DCAKD: variants seen among roughly 807,000 people sequenced by gnomAD.
The protein encoded by DCAKD is dephospho-CoA kinase domain containing, also known as dephospho-CoA kinase domain-containing protein.
Under a neutral mutation model 18.7 loss-of-function variants are expected in DCAKD, and 15 were observed. The ratio of observed to expected loss-of-function variants is 0.80; its 90% CI spans 0.54 to 1.24. DCAKD has a LOEUF of 1.24. Among genes scored for constraint, DCAKD ranks in the 50% most tolerant of loss-of-function variants. The probability of loss-of-function intolerance (pLI) is 0.00; values close to 1 mark genes in which losing one functional copy is unlikely to be tolerated. For missense variants in DCAKD, 301 were observed against 322.0 expected, an observed-to-expected ratio of 0.93 and a Z score of 0.50; for synonymous variants, 130 against 133.0, an observed-to-expected ratio of 0.98 and a Z score of 0.16.
Position 45,024,701 on chromosome 17 carries a change from C to T in DCAKD, c.428G>A (p.Arg143Gln), listed in dbSNP as rs780996637. 1.8e-5 allele frequency: 29 copies of T among 1,588,402 alleles called. No homozygotes were observed. Among genetic ancestry groups the T allele is most frequent in the African/African-American group, 1.3e-5 (1 of 74,564 alleles). The change falls in exon 5 of 5, where the codon CGG becomes CAG. Residue 143 changes from arginine to glutamine, a missense_variant. Transcript: ENST00000651974. ...VYCDRDTQLA[R>Q]LMRRNSLNRK... is the part of the protein sequence containing the mutation. ...GTTCAGGCTGTTCCGCCGCATCAGC[C>T]GTGCCAGCTGTGTGTCCCGGTCGCT... is the stretch of plus-strand genomic sequence containing the variant.
intron 3 of DCAKD, chr17:45,033,815 C>T (rs536256704): frequency 1.4e-4 from 157 of 1,141,064 alleles, no homozygotes; most frequent in Admixed American, 3.9e-4. Context: ...GAGCTGAGGG[C>T]GAGATCACTC....
intron 1 of DCAKD, among the ~76,000 whole-genome samples, chr17:45,036,028 G>A (rs1458383735): frequency 1.3e-5 from 2 of 152,194 alleles, no homozygotes; most frequent in African/African-American, 4.8e-5. Context: ...GAGGCTGGGC[G>A]ATGCTGGTGG....
intron 1 of DCAKD, 107 bp downstream of exon 1, chr17:45,051,254 T>C (rs1314078055): frequency 1.3e-5 from 2 of 152,244 alleles, no homozygotes; most frequent in Non-Finnish European, 2.9e-5. Context: ...CAGCCCTTTC[T>C]AGCTGTAAAC....
At chr17:45,032,702 TG>T (rs2053196995) in intron 3 of DCAKD, among the ~76,000 whole-genome samples, 1 of 150,946 alleles carries the variant, frequency 6.6e-6, no homozygotes, top group Non-Finnish European at 1.5e-5. Flanking sequence ...AAGAATCGCT[TG>T]AACCCGGGAA....
chr17:45,059,206 A>C (rs970938212), intron 1 of DCAKD, among the ~76,000 whole-genome samples: 4 of 152,168 alleles, frequency 2.6e-5, no homozygotes, highest in East Asian at 1.9e-4. Flanking sequence ...CGCCACTGCA[A>C]TCCAGCCTGG....
Position 45,034,335 on chromosome 17 carries a change from C to T in DCAKD, c.168G>A (p.Glu56=). The part of the protein sequence containing the change: ...HRRIVEVFGT[E]VLLENGDINR... ...TTATGTCGCCGTTCTCCAGCAAGAC[C>T]TCAGTGCCGAAGACCTCTACGATGC... The change falls in exon 3 of 5, where the codon GAG becomes GAA. Residue 56 remains glutamate (E), a synonymous_variant. Transcript: ENST00000651974. 6.2e-7 allele frequency: 1 copy of T among 1,614,114 alleles called. No individual in the cohort carries two copies. The highest frequency in any genetic ancestry group is 8.5e-7 in the Non-Finnish European group (1 of 1,180,046).
chr17:45,024,289 G>GTC lies in DCAKD; in HGVS notation c.*143_*144insGA. 1 of 406,994 alleles carries GTC rather than the reference G, an allele frequency of 2.5e-6. No homozygotes were observed. 25.2% of individuals were successfully genotyped at this position (406,994 alleles called of 1,614,324 possible). A position where few individuals can be genotyped will look rare whatever the true frequency, so the allele number is the denominator to read the frequency against. On this transcript the variant is annotated 3_prime_UTR_variant, in exon 5 of 5. Transcript: ENST00000651974. ...CCCAGCCCTGATTCGGAGAGTCCGT[G>GTC]TGTGTGTGTGTGTGTGTGTGTGTGT... is the stretch of plus-strand genomic sequence containing the variant.
chr17:45,030,522 G>T (rs183765193), intron 3 of DCAKD, among the ~76,000 whole-genome samples: 53 of 152,364 alleles, frequency 3.5e-4, no homozygotes, highest in African/African-American at 1.2e-3. Flanking sequence ...TCTACTGTGC[G>T]GGCTGAAGCA....
exon 1 of DCAKD, chr17:45,061,048 C>T: frequency 8.3e-7 from 1 of 1,203,548 alleles, no homozygotes; most frequent in Non-Finnish European, 1.0e-6. Flanking sequence ...GGCGGCCGCC[C>T]GGTTCCCAAG....
At chr17:45,027,270 T>G (rs1567828845) in intron 4 of DCAKD, among the ~76,000 whole-genome samples, 1 of 152,104 alleles carries the variant, frequency 6.6e-6, no homozygotes, top group Non-Finnish European at 1.5e-5. Context: ...AGCCCAGGAG[T>G]TTGAGGCTAT....
chr17:45,040,560 G>A (rs1270312318), intron 1 of DCAKD, among the ~76,000 whole-genome samples: 1 of 152,130 alleles, frequency 6.6e-6, no homozygotes, highest in Non-Finnish European at 1.5e-5. Context: ...GCACTGTGCA[G>A]GAGAAATGGA....
chr17:45,029,887 C>T (rs1193453828), intron 4 of DCAKD, among the ~76,000 whole-genome samples: 5 of 152,130 alleles, frequency 3.3e-5, no homozygotes, highest in East Asian at 1.9e-4. Context: ...TAGAGAAGCC[C>T]GCGGGCTGTC....
intron 1 of DCAKD, among the ~76,000 whole-genome samples, chr17:45,043,152 A>G (rs1209590224): frequency 6.6e-6 from 1 of 151,820 alleles, no homozygotes; most frequent in Non-Finnish European, 1.5e-5. Context: ...TCTTTCCTTG[A>G]GTATAAAATA....
At chr17:45,047,600 G>A (rs2053599916) in intron 1 of DCAKD, among the ~76,000 whole-genome samples, 2 of 151,356 alleles carry the variant, frequency 1.3e-5, no homozygotes, top group Admixed American at 6.6e-5. Context: ...CCGGCTCCCG[G>A]TTCAAATGAT....
At chr17:45,026,993 C>T (rs1352167499) in intron 4 of DCAKD, among the ~76,000 whole-genome samples, 1 of 152,186 alleles carries the variant, frequency 6.6e-6, no homozygotes, top group Non-Finnish European at 1.5e-5. Flanking sequence ...AGACTTGGTA[C>T]AATTTGTTGT....
In DCAKD at chr17:45,024,177, C is replaced by T; in HGVS notation, c.*256G>A. ...CATCACGGTTGCTGTTCTGTAGGTGCTGCTCAGGGAAGGTGGGAAGGACAG... is the reference window on the plus strand; with the variant it reads ...CATCACGGTTGCTGTTCTGTAGGTGTTGCTCAGGGAAGGTGGGAAGGACAG... On this transcript the variant is annotated 3_prime_UTR_variant, in exon 5 of 5. Transcript: ENST00000651974. The T allele has an allele frequency of 2.1e-6, 1 of 474,816 alleles. No homozygotes were observed. Among genetic ancestry groups the T allele is most frequent in the Non-Finnish European group, 3.8e-6 (1 of 263,914 alleles). The allele number at this position is 474,816 out of a possible 1,614,324, so 29.4% of individuals were successfully genotyped here. A position where few individuals can be genotyped will look rare whatever the true frequency, so the allele number is the denominator to read the frequency against.
At chr17:45,033,576 C>G (rs1173794734) in intron 3 of DCAKD, among the ~76,000 whole-genome samples, 1 of 152,170 alleles carries the variant, frequency 6.6e-6, no homozygotes, top group Non-Finnish European at 1.5e-5. Flanking sequence ...GCGATTCTCC[C>G]GTCTCAGCCT....
In DCAKD at chr17:45,034,285, A is replaced by T; in HGVS notation, c.218T>A (p.Ile73Asn). The T allele has an allele frequency of 6.2e-7, 1 of 1,614,116 alleles. No homozygotes were observed. The highest frequency in any genetic ancestry group is 8.5e-7 in the Non-Finnish European group (1 of 1,180,014). Reference protein sequence around the residue: ...DINRKVLGDLIFNQPDRRQLL... With the variant: ...DINRKVLGDLNFNQPDRRQLL... ...CTGCCGCCGGTCAGGCTGGTTAAAGATCAGGTCCCCCAGGACCTTGCGATT... is the reference window on the plus strand; with the variant it reads ...CTGCCGCCGGTCAGGCTGGTTAAAGTTCAGGTCCCCCAGGACCTTGCGATT... Residue 73 changes from isoleucine (I) to asparagine (N), a missense_variant, in exon 3 of 5, where the codon ATC becomes AAC. Ile to Asn is a moderately radical substitution (Grantham distance 149). Transcript: ENST00000651974.
At chr17:45,053,489 T>A (rs1249701690), upstream of DCAKD, among the ~76,000 whole-genome samples, 1 of 152,080 alleles carries the variant, frequency 6.6e-6, no homozygotes, top group South Asian at 2.1e-4. Flanking sequence ...TGGCATGATC[T>A]CGGCTCACTG....
Sources: gnomAD v4.1 joint callset for allele counts (sites outside exome capture counted in the v4.1 genomes callset) on GRCh38, gnomAD v4.1.1 for gene constraint, MANE v1.5 for transcripts, NCBI Gene and HGNC (gene_info 2026-07-23, HGNC 2026-07-21) for gene names.